AJAP1: variants seen among roughly 807,000 people sequenced by gnomAD.
AJAP1 encodes adherens junction-associated protein 1.
In AJAP1, 5 loss-of-function variants were observed where a neutral mutation model predicts 35.0. The observed-to-expected ratio is 0.14, with a 90% CI of 0.07 to 0.30. The LOEUF is 0.30. Ranked by LOEUF, AJAP1 falls within the 10% of genes least tolerant of loss-of-function variation. The pLI is 1.00. For synonymous variants in AJAP1, 284 were observed against 249.3 expected, an observed-to-expected ratio of 1.14 and a Z score of -1.31; for missense variants, 586 against 571.0, an observed-to-expected ratio of 1.03 and a Z score of -0.27.
intron 2 of AJAP1, among the ~76,000 whole-genome samples, chr1:4,741,621 T>G (rs1422861967): frequency 1.6e-4 from 24 of 152,186 alleles, no homozygotes. Context: ...CAGTATAAAC[T>G]CAGGGTTTCA....
At chr1:4,711,004 T>G (rs1640218501) in intron 1 of AJAP1, among the ~76,000 whole-genome samples, 1 of 152,194 alleles carries the variant, frequency 6.6e-6, no homozygotes, top group African/African-American at 2.4e-5. Flanking sequence ...TGCGCAGGAT[T>G]TGCCCTTTCT....
intron 1 of AJAP1, among the ~76,000 whole-genome samples, chr1:4,668,388 T>G (rs1487836921): frequency 6.6e-6 from 1 of 152,072 alleles, no homozygotes; most frequent in African/African-American, 2.4e-5. Context: ...GTTGTGAGGT[T>G]GTAGGTGTGA....
At chr1:4,674,286 A>G (rs1294431316) in intron 1 of AJAP1, among the ~76,000 whole-genome samples, 1 of 152,110 alleles carries the variant, frequency 6.6e-6, no homozygotes, top group Non-Finnish European at 1.5e-5. Context: ...TGGCTGCCTG[A>G]CTTTGTAAAT....
intron 3 of AJAP1, 37 bp from the exon 4 acceptor site, chr1:4,772,243 C>T (rs1641850860): frequency 6.2e-7 from 1 of 1,610,390 alleles, no homozygotes; most frequent in Non-Finnish European, 8.5e-7. Flanking sequence ...TTTCCGGCCT[C>T]TGCCCGTCCC....
chr1:4,736,407 C>A (rs1008770332), intron 2 of AJAP1, among the ~76,000 whole-genome samples: 1 of 152,228 alleles, frequency 6.6e-6, no homozygotes, highest in African/African-American at 2.4e-5. Flanking sequence ...CCAGTCACAT[C>A]TTACCCCCTC....
In AJAP1 at chr1:4,782,929, G is replaced by A. The variant is rs1570238147; in HGVS notation, c.*444G>A. ...ACCCGAAAGGCTCGGCCGCAGAGCCGGGGCCCAGCGAATCACGCAGAGAAA... is the reference window on the plus strand; with the variant it reads ...ACCCGAAAGGCTCGGCCGCAGAGCCAGGGCCCAGCGAATCACGCAGAGAAA... On this transcript the variant is annotated 3_prime_UTR_variant, in exon 6 of 6. Coordinates refer to ENST00000378191, the MANE Select transcript of AJAP1 (RefSeq NM_018836.4). The surrounding 1 kb of genome is among the most constrained non-coding windows in gnomAD (Gnocchi z 5.3). 1.8e-5 allele frequency: 7 copies of A among 398,078 alleles called. No homozygotes were observed. In the South Asian group the frequency reaches 5.1e-4, roughly 29 times the overall value. 24.7% of individuals were successfully genotyped at this position (398,078 alleles called of 1,614,324 possible).
intron 2 of AJAP1, among the ~76,000 whole-genome samples, 190 bp downstream of exon 2, chr1:4,712,889 G>C (rs1205544790): frequency 2.6e-5 from 4 of 152,314 alleles, no homozygotes; most frequent in Admixed American, 2.0e-4. Context: ...GAGGAAGGGG[G>C]CGTGAGAAGG....
rs1427612623 is a variant in AJAP1, at chr1:4,774,582, C to G, written c.*59+24C>G. ...CGGTAGGTACCTCTCTTTGGACATT[C>G]CTGTTTTCGTTCCCTTTCCTCCCCT... On this transcript the variant is annotated intron_variant, in intron 5 of 5. Coordinates refer to ENST00000378191, the MANE Select transcript of AJAP1 (RefSeq NM_018836.4). 3.6e-6 allele frequency: 5 copies of G among 1,406,490 alleles called. No homozygotes were observed. In the East Asian group the frequency reaches 1.1e-4, roughly 32 times the overall value. 87.1% of individuals were successfully genotyped at this position (1,406,490 alleles called of 1,614,324 possible). A position where few individuals can be genotyped will look rare whatever the true frequency, so the allele number is the denominator to read the frequency against.
At chr1:4,774,379 C>A in intron 4 of AJAP1, 48 bp from the exon 5 acceptor site, 1 of 1,572,306 alleles carries the variant, frequency 6.4e-7, no homozygotes, top group East Asian at 2.2e-5. Context: ...TATCATGTGT[C>A]ATGGTCAAGT....
chr1:4,731,972 C>A (rs1288201784), intron 2 of AJAP1, among the ~76,000 whole-genome samples: 1 of 152,220 alleles, frequency 6.6e-6, no homozygotes. Context: ...GGCCTCCCTT[C>A]CCGATAAAGG....
intron 1 of AJAP1, among the ~76,000 whole-genome samples, chr1:4,708,111 G>A (rs1640142365): frequency 6.6e-6 from 1 of 151,686 alleles, no homozygotes; most frequent in Non-Finnish European, 1.5e-5. Context: ...GGGACTACAG[G>A]TGTACGCCAC....
At chr1:4,759,110 C>T (rs1231303507) in intron 2 of AJAP1, among the ~76,000 whole-genome samples, 1 of 152,140 alleles carries the variant, frequency 6.6e-6, no homozygotes, top group Non-Finnish European at 1.5e-5. Context: ...TTCTTTTTGG[C>T]CTGCTGGCAC....
At chr1:4,666,215 C>A (rs923335441) in intron 1 of AJAP1, among the ~76,000 whole-genome samples, 3 of 152,040 alleles carry the variant, frequency 2.0e-5, no homozygotes, top group South Asian at 4.2e-4. Flanking sequence ...AGGAGGGGCA[C>A]CCCGCAGTGA....
At chr1:4,760,202 T>C (rs112340678) in intron 2 of AJAP1, among the ~76,000 whole-genome samples, 4,678 of 151,626 alleles carry the variant, frequency 0.031, 242 homozygotes, top group African/African-American at 0.11. Context: ...TGTGTGTGTG[T>C]GCATGTGTGT....
chr1:4,709,302 G>C (rs1640169321), intron 1 of AJAP1, among the ~76,000 whole-genome samples: 1 of 151,790 alleles, frequency 6.6e-6, no homozygotes. Flanking sequence ...GTGGGGCCTG[G>C]TGAAGCCTGG....
At position 4,712,171 on chromosome 1, in the gene AJAP1, G is replaced by T; in HGVS notation, c.301G>T (p.Ala101Ser). Residue 101 changes from alanine to serine, a missense_variant, in exon 2 of 6, where the codon GCC (alanine) becomes TCC (serine). Ala to Ser is a moderately conservative substitution (Grantham distance 99). Coordinates refer to ENST00000378191, the MANE Select transcript of AJAP1 (RefSeq NM_018836.4). Reference protein sequence around the residue: ...GQMQMPRARRAHRPRDQAAAL... With the variant: ...GQMQMPRARRSHRPRDQAAAL... Reference sequence around the variant, plus strand: ...GATGCAGATGCCTCGAGCCAGACGGGCCCACAGGCCCCGGGACCAGGCGGC... The same window carrying T: ...GATGCAGATGCCTCGAGCCAGACGGTCCCACAGGCCCCGGGACCAGGCGGC... The T allele has an allele frequency of 6.4e-7, 1 of 1,564,808 alleles. No individual in the cohort carries two copies. Among genetic ancestry groups the T allele is most frequent in the East Asian group, 2.3e-5 (1 of 42,948 alleles).
chr1:4,680,858 T>A (rs1490013343), intron 1 of AJAP1, among the ~76,000 whole-genome samples: 1 of 152,208 alleles, frequency 6.6e-6, no homozygotes, highest in Non-Finnish European at 1.5e-5. Context: ...TTATATGGAC[T>A]TTTGGCTGAA....
In AJAP1 at chr1:4,723,030, A is replaced by G. The variant is rs991746562; in HGVS notation, c.829+10331A>G. 2.6e-5 allele frequency among the ~76,000 whole-genome samples: 4 copies of G among 151,982 alleles called. No individual in the cohort carries two copies. Among genetic ancestry groups the G allele is most frequent in the Non-Finnish European group, 4.4e-5 (3 of 67,988 alleles). On this transcript the variant is annotated intron_variant, in intron 2 of 5. Transcript: ENST00000378191. The surrounding 1 kb of genome is among the most constrained non-coding windows in gnomAD (Gnocchi z 4.3). ...TGCTCTCTGAGGGCATTCTAGGGGGAAGACAGGAGGCAATGATACCAGATG... is the reference window on the plus strand; with the variant it reads ...TGCTCTCTGAGGGCATTCTAGGGGGGAGACAGGAGGCAATGATACCAGATG...
At chr1:4,755,270 G>A (rs1641402669) in intron 2 of AJAP1, among the ~76,000 whole-genome samples, 1 of 152,230 alleles carries the variant, frequency 6.6e-6, no homozygotes, top group Admixed American at 6.5e-5. Flanking sequence ...TCTGCAGCAG[G>A]AAGCACTCAG....
Sources: allele counts gnomAD v4.1 joint callset (sites outside exome capture counted in the v4.1 genomes callset), GRCh38; gene constraint gnomAD v4.1.1; non-coding constraint Gnocchi (gnomAD v3.1); transcripts MANE v1.5; gene names NCBI Gene and HGNC (gene_info 2026-07-23, HGNC 2026-07-21).